CHN2: variants seen among roughly 807,000 people sequenced by gnomAD.
CHN2 encodes chimerin 2.
In CHN2, 35 loss-of-function variants were observed where a neutral mutation model predicts 56.3. The ratio of observed to expected loss-of-function variants is 0.62; its 90% CI spans 0.47 to 0.82. The LOEUF is 0.82. Among genes scored for constraint, CHN2 ranks in the 40% least tolerant of loss-of-function variants. CHN2 has a pLI of 0.00. For missense variants in CHN2, 491 were observed against 580.5 expected (o/e 0.85, Z 1.58); for synonymous variants, 210 against 212.8 (o/e 0.99, Z 0.12).
At chr7:29,222,875 G>T (rs956466237) in intron 1 of CHN2, among the ~76,000 whole-genome samples, 1 of 152,152 alleles carries the variant, frequency 6.6e-6, no homozygotes, top group Admixed American at 6.5e-5. Context: ...AATTAAGATA[G>T]TATGATATTG....
intron 1 of CHN2, among the ~76,000 whole-genome samples, chr7:29,292,297 G>C (rs777560839): frequency 5.9e-5 from 9 of 152,192 alleles, no homozygotes; most frequent in Non-Finnish European, 1.3e-4. Context: ...AGGGAAGCTG[G>C]AGTGCTCCGA....
At chr7:29,298,103 G>A (rs960206713) in intron 1 of CHN2, among the ~76,000 whole-genome samples, 1 of 152,184 alleles carries the variant, frequency 6.6e-6, no homozygotes, top group Non-Finnish European at 1.5e-5. Flanking sequence ...ATGAAGCAGG[G>A]CGGCCTAAAG....
chr7:29,177,544 G>A (rs143421568), intron 2 of CHN2, among the ~76,000 whole-genome samples: 178 of 150,400 alleles, frequency 1.2e-3, no homozygotes, highest in Non-Finnish European at 2.1e-3. Flanking sequence ...ATGACCCACC[G>A]TGCCTGGCCC....
rs1805110008 is a variant in CHN2 at position 29,428,523 on chromosome 7, G to A, written c.576+27695G>A. ...TTTCAAATTCAGACCATTTCCACAA[G>A]GCCCTCCTTTTCCAACTGTGTCTCT... On this transcript the variant is annotated intron_variant, in intron 6 of 12. Coordinates refer to ENST00000222792, the MANE Select transcript of CHN2 (RefSeq NM_004067.4). Among the ~76,000 whole-genome samples, 3 of 152,156 alleles carry A rather than the reference G, an allele frequency of 2.0e-5. No individual in the cohort carries two copies. In the South Asian group the frequency reaches 6.2e-4, roughly 32 times the overall value.
At chr7:29,402,517 T>C (rs1425677923) in intron 6 of CHN2, among the ~76,000 whole-genome samples, 2 of 152,088 alleles carry the variant, frequency 1.3e-5, no homozygotes, top group Non-Finnish European at 2.9e-5. Flanking sequence ...CCAAAGTAAT[T>C]TAGAATAGAA....
At chr7:29,400,190 C>G (rs1442863763) in intron 5 of CHN2, 1 of 292,874 alleles carries the variant, frequency 3.4e-6, no homozygotes, top group Non-Finnish European at 6.9e-6. Context: ...GCATTACCCT[C>G]TGACCCTTAC....
rs76120294 is a variant in CHN2, at chr7:29,236,676, A to G, written c.49+41686A>G. Among the ~76,000 whole-genome samples, 865 of 152,394 alleles carry G rather than the reference A, an allele frequency of 5.7e-3. 10 individuals are homozygous for G. The highest frequency in any genetic ancestry group is 0.034 in the Middle Eastern group (10 of 294). On this transcript the variant is annotated intron_variant, in intron 1 of 12. Transcript: ENST00000222792. ...AATTATCTCAAATCTAATAGCTAAC[A>G]TAATACAAAGTTACCAGCTTGCACT...
chr7:29,250,489 T>G (rs1788405869), intron 1 of CHN2, among the ~76,000 whole-genome samples: 2 of 152,110 alleles, frequency 1.3e-5, no homozygotes, highest in African/African-American at 4.8e-5. Context: ...GCAACAGAGG[T>G]GTCTGATGTA....
intron 1 of CHN2, among the ~76,000 whole-genome samples, chr7:29,274,410 C>G (rs1194800419): frequency 6.6e-6 from 1 of 152,226 alleles, no homozygotes; most frequent in Non-Finnish European, 1.5e-5. Context: ...GTTTCCAGTA[C>G]CCAAGGGCAG....
intron 1 of CHN2, among the ~76,000 whole-genome samples, chr7:29,211,358 G>C (rs917208052): frequency 2.6e-5 from 4 of 151,762 alleles, no homozygotes; most frequent in African/African-American, 9.7e-5. Context: ...GATTACAGGC[G>C]TGAGCCACCG....
chr7:29,512,463 T>G, intron 12 of CHN2, 101 bp from the exon 13 acceptor site: 1 of 1,015,482 alleles, frequency 9.8e-7, no homozygotes, highest in Admixed American at 2.9e-5. Context: ...TCTTGCAATT[T>G]CCTGAACCAG....
At chr7:29,473,394 C>T (rs1487053202) in intron 6 of CHN2, among the ~76,000 whole-genome samples, 1 of 151,604 alleles carries the variant, frequency 6.6e-6, no homozygotes, top group African/African-American at 2.4e-5. Flanking sequence ...ACAGCCCAGC[C>T]CCCATCTCCA....
At chr7:29,180,435 G>A (rs1217283774) in intron 2 of CHN2, among the ~76,000 whole-genome samples, 1 of 152,040 alleles carries the variant, frequency 6.6e-6, no homozygotes, top group African/African-American at 2.4e-5. Context: ...GCTGAGGCAG[G>A]AGAATCACTT....
chr7:29,357,187 T>C (rs952538663), intron 2 of CHN2, among the ~76,000 whole-genome samples: 23 of 152,224 alleles, frequency 1.5e-4, no homozygotes, highest in African/African-American at 5.3e-4. Context: ...AACCAAGTTG[T>C]GTGTTTTAAA....
chr7:29,479,437 C>T (rs1174838025), intron 6 of CHN2, among the ~76,000 whole-genome samples: 3 of 152,178 alleles, frequency 2.0e-5, no homozygotes, highest in African/African-American at 4.8e-5. Context: ...TTGCAGAACT[C>T]AGAGTGGAAA....
intron 6 of CHN2, among the ~76,000 whole-genome samples, chr7:29,422,276 A>G (rs539684019): frequency 6.6e-6 from 1 of 152,198 alleles, no homozygotes; most frequent in Non-Finnish European, 1.5e-5. Context: ...CCTGAGCTTT[A>G]AGCAGCCCTT....
intron 1 of CHN2, among the ~76,000 whole-genome samples, chr7:29,254,274 T>C (rs1369599921): frequency 6.6e-6 from 1 of 152,178 alleles, no homozygotes; most frequent in Non-Finnish European, 1.5e-5. Context: ...ACCATGGTCA[T>C]CTCAGCACCT....
At chr7:29,476,366 A>T (rs1470377227) in intron 6 of CHN2, among the ~76,000 whole-genome samples, 1 of 151,966 alleles carries the variant, frequency 6.6e-6, no homozygotes, top group Non-Finnish European at 1.5e-5. Flanking sequence ...GTGAAACCCC[A>T]TCTCTACTAA....
chr7:29,191,417 T>G (rs1782877508), upstream of CHN2, among the ~76,000 whole-genome samples: 1 of 152,084 alleles, frequency 6.6e-6, no homozygotes, highest in African/African-American at 2.4e-5. Flanking sequence ...TTGAACCCTT[T>G]TGGTATGTAG....
Sources: allele counts gnomAD v4.1 joint callset (sites outside exome capture counted in the v4.1 genomes callset), GRCh38; gene constraint gnomAD v4.1.1; transcripts MANE v1.5; gene names NCBI Gene and HGNC (gene_info 2026-07-23, HGNC 2026-07-21).